The following STAU2 variants were observed in gnomAD, a reference collection of about 807,000 sequenced individuals.
STAU2 encodes staufen double-stranded RNA binding protein 2, also known as double-stranded RNA-binding protein Staufen homolog 2.
STAU2 carries 20 observed loss-of-function variants against 65.9 expected under a neutral mutation model. The ratio of observed to expected loss-of-function variants is 0.30; its 90% CI spans 0.21 to 0.44. STAU2 has a LOEUF of 0.44. STAU2 is among the 20% of genes least tolerant of loss of function. The probability of loss-of-function intolerance (pLI) is 1.00; values close to 1 mark genes in which losing one functional copy is unlikely to be tolerated. For missense variants in STAU2, 558 were observed against 683.9 expected (o/e 0.82, Z 2.05); for synonymous variants, 232 against 233.9 (o/e 0.99, Z 0.07).
At chr8:73,640,964 T>TA (rs952107736) in intron 6 of STAU2, among the ~76,000 whole-genome samples, 2 of 151,592 alleles carry the variant, frequency 1.3e-5, no homozygotes, top group East Asian at 1.9e-4. Flanking sequence ...AAAGAAGCAA[T>TA]AAAAAAAACA....
At chr8:73,453,779 T>C (rs879522224) in intron 13 of STAU2, among the ~76,000 whole-genome samples, 10 of 150,484 alleles carry the variant, frequency 6.6e-5, no homozygotes, top group Admixed American at 1.3e-4. Context: ...AAATAACATC[T>C]TTTTTTTAAA....
At chr8:73,644,790 A>G (rs1487347881) in intron 6 of STAU2, among the ~76,000 whole-genome samples, 1 of 152,188 alleles carries the variant, frequency 6.6e-6, no homozygotes, top group Non-Finnish European at 1.5e-5. Flanking sequence ...ACATCAAAAG[A>G]ATAAGGGAAT....
At chr8:73,475,099 G>T (rs1426158184) in intron 13 of STAU2, among the ~76,000 whole-genome samples, 2 of 152,138 alleles carry the variant, frequency 1.3e-5, no homozygotes, top group Non-Finnish European at 2.9e-5. Context: ...ACAGAACAGT[G>T]GTGACCTTTG....
At chr8:73,425,743 C>G (rs1816765476) in intron 13 of STAU2, among the ~76,000 whole-genome samples, 1 of 152,078 alleles carries the variant, frequency 6.6e-6, no homozygotes, top group Admixed American at 6.5e-5. Context: ...TATCCACAAT[C>G]CTGCTCACCA....
intron 9 of STAU2, 48 bp from the exon 10 acceptor site, chr8:73,603,911 G>C (rs1333586524): frequency 1.9e-6 from 3 of 1,548,410 alleles, no homozygotes; most frequent in Non-Finnish European, 1.7e-6. Context: ...TGTGAAACCT[G>C]TTATTGAATC....
At chr8:73,504,414 T>C (rs1433565237) in intron 13 of STAU2, among the ~76,000 whole-genome samples, 5 of 152,176 alleles carry the variant, frequency 3.3e-5, no homozygotes, top group Non-Finnish European at 5.9e-5. Flanking sequence ...AATATTCATA[T>C]TGCTATCAAA....
chr8:73,452,135 C>T (rs1024877228), intron 13 of STAU2, among the ~76,000 whole-genome samples: 2 of 152,172 alleles, frequency 1.3e-5, no homozygotes, highest in Non-Finnish European at 2.9e-5. Context: ...TCCAGGGGCT[C>T]GCTTTCTAGT....
intron 5 of STAU2, among the ~76,000 whole-genome samples, chr8:73,682,657 A>G (rs1818515996): frequency 6.6e-6 from 1 of 152,180 alleles, no homozygotes; most frequent in African/African-American, 2.4e-5. Flanking sequence ...AAGAAATACA[A>G]AAGATAAATA....
intron 5 of STAU2, among the ~76,000 whole-genome samples, chr8:73,674,383 A>G (rs1439493572): frequency 6.6e-6 from 1 of 151,238 alleles, no homozygotes; most frequent in Admixed American, 6.6e-5. Context: ...TCCTAAAGAG[A>G]AAAAAAAATC....
chr8:73,645,086 G>C (rs1344657831), intron 6 of STAU2, among the ~76,000 whole-genome samples: 1 of 152,100 alleles, frequency 6.6e-6, no homozygotes, highest in Non-Finnish European at 1.5e-5. Flanking sequence ...CTTTTTATGA[G>C]TACAATAGTA....
intron 3 of STAU2, among the ~76,000 whole-genome samples, chr8:73,714,501 T>C (rs1358769297): frequency 6.6e-6 from 1 of 152,052 alleles, no homozygotes; most frequent in African/African-American, 2.4e-5. Flanking sequence ...TAGGAAAAAA[T>C]TTAAGTTCCT....
At chr8:73,543,895 A>AC (rs1406556049) in intron 13 of STAU2, among the ~76,000 whole-genome samples, 1 of 152,150 alleles carries the variant, frequency 6.6e-6, no homozygotes, top group African/African-American at 2.4e-5. Flanking sequence ...ATCTGTATGT[A>AC]CCATGTTCTC....
intron 12 of STAU2, among the ~76,000 whole-genome samples, chr8:73,555,922 T>C (rs535249497): frequency 1.3e-5 from 2 of 152,328 alleles, no homozygotes; most frequent in South Asian, 4.1e-4. Flanking sequence ...AGTTTTTTTA[T>C]AATCAGGAAA....
intron 6 of STAU2, among the ~76,000 whole-genome samples, chr8:73,650,247 C>T (rs1262965030): frequency 6.6e-6 from 1 of 151,734 alleles, no homozygotes; most frequent in Non-Finnish European, 1.5e-5. Context: ...TTGGATGAAA[C>T]CTTGGAAATC....
chr8:73,529,895 A>G (rs1325295418), intron 13 of STAU2, among the ~76,000 whole-genome samples: 1 of 152,254 alleles, frequency 6.6e-6, no homozygotes, highest in Non-Finnish European at 1.5e-5. Flanking sequence ...CTCAAAATAA[A>G]AAACCATATT....
At chr8:73,685,707 A>T (rs918147134) in intron 5 of STAU2, among the ~76,000 whole-genome samples, 1 of 152,122 alleles carries the variant, frequency 6.6e-6, no homozygotes, top group Non-Finnish European at 1.5e-5. Flanking sequence ...ACTGGTGGGA[A>T]TGTCAACTAG....
At chr8:73,504,020 T>A (rs1270992876) in intron 13 of STAU2, among the ~76,000 whole-genome samples, 1 of 152,122 alleles carries the variant, frequency 6.6e-6, no homozygotes, top group Non-Finnish European at 1.5e-5. Flanking sequence ...CTGATGTCAA[T>A]ATTAAAATGA....
chr8:73,478,787 T>C (rs1189831963), intron 13 of STAU2, among the ~76,000 whole-genome samples: 2 of 152,116 alleles, frequency 1.3e-5, no homozygotes, highest in Non-Finnish European at 2.9e-5. Flanking sequence ...TTAAGAATTG[T>C]AAAAAATCAC....
At chr8:73,597,372 G>A (rs1381590862) in intron 10 of STAU2, among the ~76,000 whole-genome samples, 2 of 151,952 alleles carry the variant, frequency 1.3e-5, no homozygotes, top group Non-Finnish European at 2.9e-5. Context: ...GATTACTGAG[G>A]CCGGGTGGAG....
Sources: allele counts gnomAD v4.1 joint callset (sites outside exome capture counted in the v4.1 genomes callset), GRCh38; gene constraint gnomAD v4.1.1; transcripts MANE v1.5; gene names NCBI Gene and HGNC (gene_info 2026-07-23, HGNC 2026-07-21).